The following PLEKHG4B variants were observed in gnomAD, a reference collection of about 807,000 sequenced individuals.
The protein encoded by PLEKHG4B is pleckstrin homology domain-containing family G member 4B.
PLEKHG4B carries 111 observed loss-of-function variants against 121.3 expected under a neutral mutation model. The observed-to-expected ratio is 0.92, with a 90% CI of 0.78 to 1.07. The LOEUF (loss-of-function observed/expected upper bound fraction) is 1.07, where lower values mean the gene tolerates loss of function less well. Ranked by LOEUF, PLEKHG4B falls within the 50% of genes least tolerant of loss-of-function variation. PLEKHG4B has a pLI of 0.00. For synonymous variants in PLEKHG4B, 738 were observed against 725.0 expected, an observed-to-expected ratio of 1.02 and a Z score of -0.29; for missense variants, 1,831 against 1,757.8, an observed-to-expected ratio of 1.04 and a Z score of -0.74.
Position 160,482 on chromosome 5 carries a change from C to T in PLEKHG4B, c.2488-1301C>T, listed in dbSNP as rs28616615. ...GAAATGGAGCCCCTAAACAGTGTGC[C>T]CTCAGATTTTCTATGCGACAGCTGG... On this transcript the variant is annotated intron_variant, in intron 11 of 19. Transcript: ENST00000637938. Among the ~76,000 whole-genome samples, 1,460 of 152,138 alleles carry T rather than the reference C, an allele frequency of 9.6e-3. 21 individuals carry two copies. The highest frequency in any genetic ancestry group is 0.034 in the African/African-American group (1,396 of 41,490).
intron 18 of PLEKHG4B, 64 bp downstream of exon 18, chr5:174,162 G>T: frequency 1.6e-6 from 2 of 1,216,002 alleles, no homozygotes; most frequent in South Asian, 1.4e-5. Flanking sequence ...AGGGGTCGGG[G>T]CTGGGACTGG....
rs781728390 is a variant in PLEKHG4B, at chr5:182,245, A to G, written c.4806A>G (p.Pro1602=). 7 of 1,613,528 alleles carry G rather than the reference A, an allele frequency of 4.3e-6. No individual in the cohort carries two copies. The highest frequency in any genetic ancestry group is 4.5e-5 in the East Asian group (2 of 44,892). Residue 1602 remains proline (P), a synonymous_variant, in exon 20 of 20, where the codon CCA becomes CCG. Transcript: ENST00000637938. ...GCGTCGAGGAAGATGAGCCAGAGCCAGAACTAGAGACGGGCACCCAGGCTG... is the reference window on the plus strand; with the variant it reads ...GCGTCGAGGAAGATGAGCCAGAGCCGGAACTAGAGACGGGCACCCAGGCTG... The part of the protein sequence containing the change: ...RACVEEDEPE[P]ELETGTQAAV...
chr5:151,961 C>T (rs1735618542), intron 7 of PLEKHG4B, among the ~76,000 whole-genome samples: 2 of 152,194 alleles, frequency 1.3e-5, no homozygotes, highest in South Asian at 4.1e-4. Context: ...TTTAAAGATA[C>T]TGCTCTGTTG....
At chr5:173,154 A>G (rs1325961063) in intron 17 of PLEKHG4B, 87 bp downstream of exon 17, 22 of 1,310,728 alleles carry the variant, frequency 1.7e-5, no homozygotes, top group Non-Finnish European at 2.4e-5. Flanking sequence ...AGGCCAGCAG[A>G]GGAACTGGGA....
In PLEKHG4B at chr5:140,594, C is replaced by T. The variant is rs146980720; in HGVS notation, c.1355C>T (p.Ala452Val). Residue 452 changes from alanine to valine, a missense_variant, in exon 3 of 20, where the codon GCT (alanine) becomes GTT (valine). Coordinates refer to ENST00000637938, the MANE Select transcript of PLEKHG4B (RefSeq NM_052909.5). ...CCCAGAAGCTCCAGAGGGGCCCAGG[C>T]TGCAGCCTGCCACACCTCCCACCAC... ...RAPRSSRGAQ[A>V]AACHTSHHSA... 16 of 1,610,064 alleles carry T rather than the reference C, an allele frequency of 9.9e-6. No homozygotes were observed. The highest frequency in any genetic ancestry group is 1.4e-5 in the Non-Finnish European group (16 of 1,178,700).
chr5:100,378 A>G (rs1298208270), intron 1 of PLEKHG4B, among the ~76,000 whole-genome samples: 2 of 151,664 alleles, frequency 1.3e-5, no homozygotes, highest in Non-Finnish European at 2.9e-5. Context: ...AGGTTAATCC[A>G]TATAAAGCCC....
chr5:127,697 C>T (rs966269822), intron 2 of PLEKHG4B, among the ~76,000 whole-genome samples: 4 of 152,062 alleles, frequency 2.6e-5, no homozygotes, highest in African/African-American at 9.7e-5. Context: ...TCTGTGGTCA[C>T]CAGCCACAGT....
intron 1 of PLEKHG4B, among the ~76,000 whole-genome samples, chr5:94,257 C>T (rs1733562293): frequency 6.6e-6 from 1 of 152,202 alleles, no homozygotes; most frequent in Admixed American, 6.5e-5. Context: ...CGGTTCTGTT[C>T]CCCACCTGGG....
In PLEKHG4B at chr5:139,925, T is replaced by G; in HGVS notation, c.686T>G (p.Val229Gly). The change falls in exon 3 of 20, where the codon GTC (valine) becomes GGC (glycine). Residue 229 changes from valine to glycine, a missense_variant. Coordinates refer to ENST00000637938, the MANE Select transcript of PLEKHG4B (RefSeq NM_052909.5). This position sits in a 1 kb window ranked among gnomAD's most constrained non-coding sequence, Gnocchi z 5.0. The stretch of plus-strand genomic sequence containing the variant: ...CCCAGCAGCCCCTCAGAGGCCCCAG[T>G]CCCCACCCAAGCCACAGCAGGCCCC... Reference protein sequence around the residue: ...RLPSSPSEAPVPTQATAGPHF... With the variant: ...RLPSSPSEAPGPTQATAGPHF... The G allele has an allele frequency of 2.5e-6, 1 of 405,956 alleles. No homozygotes were observed. The highest frequency in any genetic ancestry group is 4.3e-6 in the Non-Finnish European group (1 of 230,532). The allele number at this position is 405,956 out of a possible 1,614,324, so 25.1% of individuals were successfully genotyped here.
At chr5:134,783 A>G (rs991938590) in intron 2 of PLEKHG4B, among the ~76,000 whole-genome samples, 4 of 151,272 alleles carry the variant, frequency 2.6e-5, no homozygotes, top group African/African-American at 9.7e-5. Context: ...AAAAAAAAAG[A>G]AAAGAAAAGT....
intron 13 of PLEKHG4B, 131 bp from the exon 14 acceptor site, chr5:169,209 T>G: frequency 1.6e-6 from 2 of 1,267,518 alleles, no homozygotes; most frequent in Non-Finnish European, 2.2e-6. Flanking sequence ...CATGTGCCCA[T>G]GTGCCTCCAG....
intron 2 of PLEKHG4B, among the ~76,000 whole-genome samples, chr5:132,178 G>GA (rs892966606): frequency 6.3e-5 from 9 of 142,336 alleles, no homozygotes; most frequent in South Asian, 2.2e-4. Flanking sequence ...GTTACGCAAG[G>GA]AAAAAAAAAA....
intron 2 of PLEKHG4B, among the ~76,000 whole-genome samples, chr5:124,437 ATCT>A (rs935935837): frequency 6.6e-6 from 1 of 152,220 alleles, no homozygotes; most frequent in African/African-American, 2.4e-5. Context: ...TTAAAAATAC[ATCT>A]TCTGTCTGGT....
rs758610825 is a variant in PLEKHG4B at position 140,287 on chromosome 5, C to T, written c.1048C>T (p.Arg350Cys). 23 of 1,476,108 alleles carry T rather than the reference C, an allele frequency of 1.6e-5. No individual in the cohort carries two copies. The highest frequency in any genetic ancestry group is 4.0e-4 in the Middle Eastern group (2 of 5,034). The allele number at this position is 1,476,108 out of a possible 1,614,324, so 91.4% of individuals were successfully genotyped here. A position where few individuals can be genotyped will look rare whatever the true frequency, so the allele number is the denominator to read the frequency against. ...PGDPTCVQPRRWFRESYMEAL... is the reference protein window; with the variant it reads ...PGDPTCVQPRCWFRESYMEAL... ...GGACCCCACTTGTGTGCAGCCTAGACGCTGGTTCAGGGAGTCGTACATGGA... is the reference window on the plus strand; with the variant it reads ...GGACCCCACTTGTGTGCAGCCTAGATGCTGGTTCAGGGAGTCGTACATGGA... Residue 350 changes from arginine (R) to cysteine (C), a missense_variant, in exon 3 of 20, where the codon CGC (arginine) becomes TGC (cysteine). Coordinates refer to ENST00000637938, the MANE Select transcript of PLEKHG4B (RefSeq NM_052909.5).
chr5:138,025 G>A (rs1221104914), intron 2 of PLEKHG4B, among the ~76,000 whole-genome samples: 1 of 152,186 alleles, frequency 6.6e-6, no homozygotes, highest in Non-Finnish European at 1.5e-5. Flanking sequence ...CTGAAAACTG[G>A]GTGGGCCAAT....
chr5:111,768 A>G (rs1226154195), intron 1 of PLEKHG4B, among the ~76,000 whole-genome samples: 2 of 151,954 alleles, frequency 1.3e-5, no homozygotes, highest in African/African-American at 4.8e-5. Flanking sequence ...CCTCTCCTAG[A>G]TCATGTTCCT....
At chr5:153,988 C>T (rs1187748690) in intron 7 of PLEKHG4B, among the ~76,000 whole-genome samples, 1 of 151,030 alleles carries the variant, frequency 6.6e-6, no homozygotes, top group Non-Finnish European at 1.5e-5. Flanking sequence ...ACCACACCGG[C>T]CAGATGCCCC....
intron 14 of PLEKHG4B, among the ~76,000 whole-genome samples, chr5:170,711 C>A (rs886437290): frequency 6.6e-5 from 10 of 152,218 alleles, no homozygotes; most frequent in African/African-American, 2.4e-4. Context: ...TGGACCAAAT[C>A]ATTCCAATGC....
Position 144,889 on chromosome 5 carries a change from C to G in PLEKHG4B, c.1874C>G (p.Pro625Arg), listed in dbSNP as rs367577014. The part of the protein sequence containing the change: ...LVDARRSPAA[P>R]AVSQALSGLQ... ...GATGCACGCAGGAGTCCAGCTGCCC[C>G]TGCCGTCTCCCAGGCCCTCTCAGGA... The change falls in exon 6 of 20, where the codon CCT becomes CGT. Residue 625 changes from proline (P) to arginine (R), a missense_variant. Transcript: ENST00000637938. 1.2e-4 allele frequency: 193 copies of G among 1,613,292 alleles called. No individual in the cohort carries two copies. Among genetic ancestry groups the G allele is most frequent in the Non-Finnish European group, 1.6e-4 (190 of 1,179,986 alleles).
Sources: gnomAD v4.1 joint callset for allele counts (sites outside exome capture counted in the v4.1 genomes callset) on GRCh38, gnomAD v4.1.1 for gene constraint, Gnocchi (gnomAD v3.1) non-coding constraint, MANE v1.5 for transcripts, NCBI Gene and HGNC (gene_info 2026-07-23, HGNC 2026-07-21) for gene names.